The following MAGI1 variants were observed in gnomAD, a reference collection of about 807,000 sequenced individuals.
The protein encoded by MAGI1 is membrane associated guanylate kinase, WW and PDZ domain containing 1, also known as membrane-associated guanylate kinase, WW and PDZ domain-containing protein 1.
A neutral mutation model predicts 139.9 loss-of-function variants in MAGI1; 58 were observed. The observed-to-expected ratio is 0.41, with a 90% CI of 0.34 to 0.52. The LOEUF is 0.52. MAGI1 is among the 20% of genes least tolerant of loss of function. The pLI is 0.12. For synonymous variants in MAGI1, 812 were observed against 737.9 expected, an observed-to-expected ratio of 1.10 and a Z score of -1.63; for missense variants, 1,874 against 1,901.6, an observed-to-expected ratio of 0.99 and a Z score of 0.27.
At chr3:65,705,091 G>A (rs1394448420) in intron 1 of MAGI1, among the ~76,000 whole-genome samples, 1 of 151,914 alleles carries the variant, frequency 6.6e-6, no homozygotes, top group Non-Finnish European at 1.5e-5. Flanking sequence ...CAGAAATGCA[G>A]AGAATTTCAG....
At chr3:65,649,070 G>C (rs2085434106) in intron 1 of MAGI1, among the ~76,000 whole-genome samples, 1 of 152,098 alleles carries the variant, frequency 6.6e-6, no homozygotes, top group South Asian at 2.1e-4. Context: ...ATGCATGGTA[G>C]ACTTAAATAT....
chr3:65,526,840 T>C (rs1296255623), intron 2 of MAGI1, among the ~76,000 whole-genome samples: 4 of 152,106 alleles, frequency 2.6e-5, no homozygotes, highest in Admixed American at 6.5e-5. Context: ...AATTAAACGG[T>C]CATCCAACCC....
chr3:65,854,807 T>C (rs1268201503), intron 1 of MAGI1, among the ~76,000 whole-genome samples: 3 of 152,168 alleles, frequency 2.0e-5, no homozygotes, highest in Non-Finnish European at 2.9e-5. Flanking sequence ...CCATGACAGA[T>C]GGTCACACTA....
chr3:65,517,436 G>A (rs539252948), intron 2 of MAGI1, among the ~76,000 whole-genome samples: 1 of 152,248 alleles, frequency 6.6e-6, no homozygotes, highest in South Asian at 2.1e-4. Flanking sequence ...TATTAAACTA[G>A]TGGCTTGGCT....
chr3:65,508,832 A>G (rs2077417962), intron 2 of MAGI1, among the ~76,000 whole-genome samples: 1 of 152,242 alleles, frequency 6.6e-6, no homozygotes, highest in Non-Finnish European at 1.5e-5. Flanking sequence ...TCATTATCAC[A>G]CAATGCTTAC....
chr3:65,441,105 C>T (rs963449472), intron 8 of MAGI1, among the ~76,000 whole-genome samples: 2 of 151,874 alleles, frequency 1.3e-5, no homozygotes, highest in Non-Finnish European at 2.9e-5. Context: ...GGATTTCAAG[C>T]GTGCATCACC....
chr3:65,408,911 C>A (rs953792077), intron 12 of MAGI1, among the ~76,000 whole-genome samples: 2 of 152,164 alleles, frequency 1.3e-5, no homozygotes, highest in African/African-American at 4.8e-5. Flanking sequence ...GCTTTCACAG[C>A]GCTCACATTC....
chr3:65,838,155 CA>C (rs112844034), intron 1 of MAGI1, among the ~76,000 whole-genome samples: 1 of 151,958 alleles, frequency 6.6e-6, no homozygotes, highest in African/African-American at 2.4e-5. Context: ...ACTAAAAATA[CA>C]AAAAAATTAG....
intron 1 of MAGI1, among the ~76,000 whole-genome samples, chr3:66,033,513 T>C (rs551970081): frequency 6.6e-6 from 1 of 152,184 alleles, no homozygotes; most frequent in African/African-American, 2.4e-5. Flanking sequence ...CAGAGATTCA[T>C]GAGAAACCAA....
intron 2 of MAGI1, among the ~76,000 whole-genome samples, chr3:65,611,586 A>G (rs1486350402): frequency 6.9e-6 from 1 of 145,880 alleles, no homozygotes; most frequent in Non-Finnish European, 1.5e-5. Context: ...TATATACTAT[A>G]CTAGTATATA....
intron 1 of MAGI1, among the ~76,000 whole-genome samples, chr3:65,686,291 TTTTGTTTG>T (rs528874310): frequency 2.0e-5 from 3 of 152,034 alleles, no homozygotes; most frequent in Admixed American, 1.3e-4. Flanking sequence ...AGGGGTGTTT[TTTTGTTTG>T]TTTGTTTGTT....
intron 4 of MAGI1, among the ~76,000 whole-genome samples, chr3:65,472,101 C>A (rs62255276): frequency 0.12 from 18,844 of 152,148 alleles, 1,388 homozygotes; most frequent in Middle Eastern, 0.17. Context: ...TTGCAACTTG[C>A]ACCCAAGAGT....
At chr3:65,433,477 T>C (rs1298922307) in intron 10 of MAGI1, among the ~76,000 whole-genome samples, 1 of 152,158 alleles carries the variant, frequency 6.6e-6, no homozygotes, top group African/African-American at 2.4e-5. Context: ...CATTTTATTA[T>C]TTTTTACGTA....
intron 12 of MAGI1, among the ~76,000 whole-genome samples, chr3:65,402,763 G>T (rs1456876488): frequency 6.6e-6 from 1 of 152,152 alleles, no homozygotes; most frequent in Non-Finnish European, 1.5e-5. Flanking sequence ...AGATGAGCCG[G>T]CAGAGTGCCC....
intron 1 of MAGI1, among the ~76,000 whole-genome samples, chr3:65,735,689 C>A (rs1440000904): frequency 6.6e-6 from 1 of 152,142 alleles, no homozygotes; most frequent in African/African-American, 2.4e-5. Context: ...CAACAACCTA[C>A]TGAAGACAAA....
chr3:65,406,711 G>T (rs916726330), intron 12 of MAGI1, among the ~76,000 whole-genome samples: 2 of 151,886 alleles, frequency 1.3e-5, no homozygotes, highest in Non-Finnish European at 2.9e-5. Context: ...TCCTGGAGTT[G>T]GATTAGGTAA....
chr3:65,530,772 T>TATATACACGTATATATATATAC (rs1559642925), intron 2 of MAGI1, among the ~76,000 whole-genome samples: 1 of 26,738 alleles, frequency 3.7e-5, no homozygotes, highest in East Asian at 1.4e-3. Flanking sequence ...TATATATATA[T>TATATACACGTATATATATATAC]ACACACATAT....
intron 1 of MAGI1, among the ~76,000 whole-genome samples, chr3:65,775,508 A>C (rs1318033446): frequency 2.9e-4 from 43 of 148,172 alleles, no homozygotes; most frequent in Non-Finnish European, 4.9e-4. Context: ...CTGCCAAAAA[A>C]AAAAAAAAAA....
In MAGI1 at chr3:65,816,820, T is replaced by A. The variant is rs2041634859; in HGVS notation, c.314-194732A>T. ...CCGTAATGCAGAGGAAAGAAGAGAA[T>A]TTAGGGATGTAAAATGTTTTGTCAA... On this transcript the variant is annotated intron_variant, in intron 1 of 22. Coordinates refer to ENST00000402939, the MANE Select transcript of MAGI1 (RefSeq NM_001033057.2). Among the ~76,000 whole-genome samples the A allele has an allele frequency of 2.0e-5, 3 of 152,140 alleles. No homozygotes were observed. The South Asian group carries it at 6.3e-4, about 32-fold the overall frequency.
Sources: gnomAD v4.1 joint callset for allele counts (sites outside exome capture counted in the v4.1 genomes callset) on GRCh38, gnomAD v4.1.1 for gene constraint, MANE v1.5 for transcripts, NCBI Gene and HGNC (gene_info 2026-07-23, HGNC 2026-07-21) for gene names.